TRAPPC4: variants seen among roughly 807,000 people sequenced by gnomAD.
TRAPPC4 encodes trafficking protein particle complex subunit 4.
TRAPPC4 carries 30 observed loss-of-function variants against 23.5 expected under a neutral mutation model. The observed-to-expected ratio is 1.28, with a 90% CI of 0.96 to 1.73. TRAPPC4 has a LOEUF of 1.73. Ranked by LOEUF, TRAPPC4 falls within the 40% of genes most tolerant of loss-of-function variation. TRAPPC4 has a pLI of 0.00. For missense variants in TRAPPC4, 252 were observed against 268.9 expected (o/e 0.94, Z 0.44); for synonymous variants, 129 against 105.3 (o/e 1.23, Z -1.38).
intron 4 of TRAPPC4, 98 bp downstream of exon 4, chr11:119,021,984 T>G (rs1943371049): frequency 2.1e-6 from 3 of 1,457,954 alleles, no homozygotes; most frequent in South Asian, 2.6e-5. Flanking sequence ...GTATTACTTT[T>G]TTTGTTTGTT....
At position 119,019,209 on chromosome 11, in the gene TRAPPC4, AG is replaced by A; in HGVS notation, c.244del (p.Val82CysfsTer69). The A allele has an allele frequency of 6.2e-7, 1 of 1,614,142 alleles. No individual in the cohort carries two copies. The highest frequency in any genetic ancestry group is 1.3e-5 in the African/African-American group (1 of 75,036). On this transcript the variant is annotated frameshift_variant, in exon 2 of 5. Coordinates refer to ENST00000533632, the MANE Select transcript of TRAPPC4 (RefSeq NM_016146.6). LOFTEE classifies it high-confidence loss of function. Reference protein sequence around the residue: ...VNGRYTADGKEVLEYLGNPAN... With the variant: ...VNGRYTADGKXVLEYLGNPAN... Reference sequence around the variant, plus strand: ...GGCAGGTACACGGCCGACGGGAAAGAGGTGCTGGAGTATCTGGGTAACCCTG... The same window carrying A: ...GGCAGGTACACGGCCGACGGGAAAGAGTGCTGGAGTATCTGGGTAACCCTG...
chr11:119,020,335 C>T, intron 3 of TRAPPC4, 82 bp downstream of exon 3: 1 of 1,161,992 alleles, frequency 8.6e-7, no homozygotes, highest in Non-Finnish European at 1.3e-6. Context: ...TCCAGGTGGG[C>T]CAGAGGAGTG....
At chr11:119,019,419 T>C in intron 2 of TRAPPC4, 102 bp downstream of exon 2, 3 of 1,291,334 alleles carry the variant, frequency 2.3e-6, no homozygotes, top group Middle Eastern at 2.6e-4. Flanking sequence ...CAGATCTAGA[T>C]TTTAGGTAAT....
rs782458344 is a variant in TRAPPC4 at position 119,020,222 on chromosome 11, A to C, written c.423A>C (p.Thr141=). 6.8e-6 allele frequency: 11 copies of C among 1,613,714 alleles called. No homozygotes were observed. The East Asian group carries it at 2.2e-4, about 33-fold the overall frequency. Residue 141 remains threonine (T), a synonymous_variant, in exon 3 of 5, where the codon ACA becomes ACC. Coordinates refer to ENST00000533632, the MANE Select transcript of TRAPPC4 (RefSeq NM_016146.6). ...GCATTGAGATGCTGGAGACAGACAC[A>C]TTCAAATTGCACTGCTACCAGACAC... ...SSGIEMLETD[T]FKLHCYQTLT...
chr11:119,021,443 A>C (rs1943355834), intron 3 of TRAPPC4: 1 of 242,988 alleles, frequency 4.1e-6, no homozygotes, highest in African/African-American at 2.3e-5. Flanking sequence ...CACCCTCTTC[A>C]TTTATTGAAA....
chr11:119,019,092 G>A (rs782387622), intron 1 of TRAPPC4, 51 bp from the exon 2 acceptor site: 2 of 1,599,124 alleles, frequency 1.3e-6, no homozygotes, highest in Non-Finnish European at 1.7e-6. Context: ...TTGTCCCCTC[G>A]GCGGAATCCC....
chr11:119,021,699 C>A, intron 3 of TRAPPC4, 61 bp from the exon 4 acceptor site: 1 of 1,586,116 alleles, frequency 6.3e-7, no homozygotes. Context: ...TGTACAAATA[C>A]AGGATGACAC....
In TRAPPC4 at chr11:119,018,780, G is replaced by A. The variant is rs782401808; in HGVS notation, c.-16G>A. The A allele has an allele frequency of 1.2e-6, 2 of 1,610,218 alleles. No individual in the cohort carries two copies. Among genetic ancestry groups the A allele is most frequent in the Non-Finnish European group, 1.7e-6 (2 of 1,176,782 alleles). ...GGGTAGAGGCTGAATACCAGTTTCC[G>A]AGCGGCAAGGCAGCGATGGCGATTT... On this transcript the variant is annotated 5_prime_UTR_variant, in exon 1 of 5. Transcript: ENST00000533632.
intron 4 of TRAPPC4, chr11:119,022,964 T>TGG (rs782598624): frequency 0.13 from 15,134 of 118,784 alleles, 903 homozygotes; most frequent in Middle Eastern, 0.26. Flanking sequence ...GATGTTTTTT[T>TGG]TTTTTTTTTT....
intron 3 of TRAPPC4, chr11:119,020,565 G>C (rs1943329676): frequency 4.2e-6 from 1 of 240,604 alleles, no homozygotes; most frequent in Non-Finnish European, 8.3e-6. Context: ...ACCACACCCG[G>C]CTAATTTTTC....
At chr11:119,020,452 C>T in intron 3 of TRAPPC4, 199 bp downstream of exon 3, 2 of 501,658 alleles carry the variant, frequency 4.0e-6, no homozygotes, top group South Asian at 2.2e-5. Flanking sequence ...AAATGTTTCA[C>T]TCTTGTTGCC....
chr11:119,020,373 G>A, intron 3 of TRAPPC4, 120 bp downstream of exon 3: 2 of 723,922 alleles, frequency 2.8e-6, no homozygotes, highest in Non-Finnish European at 4.8e-6. Flanking sequence ...GGAGGGGGTT[G>A]ACCAAAGACA....
chr11:119,018,866 C>T lies in TRAPPC4; in HGVS notation c.71C>T (p.Pro24Leu), dbSNP rs1440345525. 3 of 1,614,224 alleles carry T rather than the reference C, an allele frequency of 1.9e-6. No individual in the cohort carries two copies. The highest frequency in any genetic ancestry group is 1.3e-5 in the African/African-American group (1 of 75,062). The change falls in exon 1 of 5, where the codon CCA (proline) becomes CTA (leucine). Residue 24 changes from proline (P) to leucine (L), a missense_variant. Coordinates refer to ENST00000533632, the MANE Select transcript of TRAPPC4 (RefSeq NM_016146.6). The part of the protein sequence containing the change: ...GLIYQLDSYA[P>L]RAEAEKTFSY... ...ATTTACCAGTTGGACAGCTACGCGC[C>T]ACGGGCTGAGGCTGAGAAAACTTTC...
At position 119,018,787 on chromosome 11, in the gene TRAPPC4, A is replaced by G. The variant is rs781968525; in HGVS notation, c.-9A>G. ...GGCTGAATACCAGTTTCCGAGCGGCAAGGCAGCGATGGCGATTTTTAGTGT... is the reference window on the plus strand; with the variant it reads ...GGCTGAATACCAGTTTCCGAGCGGCGAGGCAGCGATGGCGATTTTTAGTGT... On this transcript the variant is annotated 5_prime_UTR_variant, in exon 1 of 5. Coordinates refer to ENST00000533632, the MANE Select transcript of TRAPPC4 (RefSeq NM_016146.6). 24 of 1,610,924 alleles carry G rather than the reference A, an allele frequency of 1.5e-5. No homozygotes were observed. Among genetic ancestry groups the G allele is most frequent in the East Asian group, 4.5e-5 (2 of 44,784 alleles).
intron 4 of TRAPPC4, 41 bp from the exon 5 acceptor site, chr11:119,023,280 C>A (rs781899582): frequency 6.3e-7 from 1 of 1,599,192 alleles, no homozygotes; most frequent in African/African-American, 1.3e-5. Context: ...GAGAAAGCCT[C>A]AGGCCTCACA....
rs1943368648 is a variant in TRAPPC4, at chr11:119,021,919, A to T, written c.581+33A>T. ...GCCCCACTTCCCAGATACTGTTTAA[A>T]GCGTCCTTGCCCCTCCCTGTGTGCT... On this transcript the variant is annotated intron_variant, in intron 4 of 4. Transcript: ENST00000533632. The T allele has an allele frequency of 3.1e-6, 5 of 1,612,460 alleles. No homozygotes were observed. In the East Asian group the frequency reaches 8.9e-5, roughly 29 times the overall value.
At chr11:119,019,500 G>A (rs899442940) in intron 2 of TRAPPC4, 183 bp downstream of exon 2, 2 of 635,858 alleles carry the variant, frequency 3.1e-6, no homozygotes, top group East Asian at 2.9e-5. Context: ...GGAGCGCAGT[G>A]GCGGGATCTC....
At position 119,023,638 on chromosome 11, in the gene TRAPPC4, G is replaced by A. The variant is rs1943462365; in HGVS notation, c.*239G>A. 1 of 370,494 alleles carries A rather than the reference G, an allele frequency of 2.7e-6. No individual in the cohort carries two copies. Among genetic ancestry groups the A allele is most frequent in the Non-Finnish European group, 4.9e-6 (1 of 203,690 alleles). 23.0% of individuals were successfully genotyped at this position (370,494 alleles called of 1,614,324 possible). A position where few individuals can be genotyped will look rare whatever the true frequency, so the allele number is the denominator to read the frequency against. On this transcript the variant is annotated 3_prime_UTR_variant, in exon 5 of 5. Transcript: ENST00000533632. ...TTATGGAGGAGCTAGGTCCATAAAT[G>A]TTGTAATAAATATTCCTTTGATCTT...
At chr11:119,019,531 TC>T (rs1224409816) in intron 2 of TRAPPC4, 18 of 542,158 alleles carry the variant, frequency 3.3e-5, no homozygotes, top group Non-Finnish European at 5.2e-5. Context: ...AGCCTCTGCC[TC>T]CCAGGTTCAA....
Sources: gnomAD v4.1 joint callset for allele counts on GRCh38, gnomAD v4.1.1 for gene constraint, MANE v1.5 for transcripts, NCBI Gene and HGNC (gene_info 2026-07-23, HGNC 2026-07-21) for gene names.